Variants in ZNF467 observed in about 807,000 individuals in gnomAD.
ZNF467 encodes zinc finger protein 467.
A neutral mutation model predicts 47.8 loss-of-function variants in ZNF467; 51 were observed. That is an observed-to-expected ratio of 1.07 (90% CI 0.85 to 1.35). ZNF467 has a LOEUF of 1.35. ZNF467 is among the 40% of genes most tolerant of loss of function. The probability of loss-of-function intolerance (pLI) is 0.00; values close to 1 mark genes in which losing one functional copy is unlikely to be tolerated. For synonymous variants in ZNF467, 416 were observed against 372.9 expected (o/e 1.12, Z -1.33); for missense variants, 992 against 858.1 (o/e 1.16, Z -1.95).
Position 149,766,138 on chromosome 7 carries a change from A to G in ZNF467, c.364T>C (p.Phe122Leu). 1.2e-6 allele frequency: 2 copies of G among 1,601,062 alleles called. No individual in the cohort carries two copies. The highest frequency in any genetic ancestry group is 1.7e-6 in the Non-Finnish European group (2 of 1,171,660). ...PQHLSLLPSP[F>L]PAPDLGHLAA... is the part of the protein sequence containing the mutation. ...AGATGCCCCAGGTCAGGCGCGGGAAAGGGGCTGGGAAGTAACGATAGATGC... is the reference window on the plus strand; with the variant it reads ...AGATGCCCCAGGTCAGGCGCGGGAAGGGGGCTGGGAAGTAACGATAGATGC... Residue 122 changes from phenylalanine to leucine, a missense_variant, in exon 5 of 5, where the codon TTT becomes CTT. Coordinates refer to ENST00000302017, the MANE Select transcript of ZNF467 (RefSeq NM_207336.3).
chr7:149,765,629 C>T lies in ZNF467; in HGVS notation c.873G>A (p.Gln291=), dbSNP rs1212446238. 1 of 1,608,284 alleles carries T rather than the reference C, an allele frequency of 6.2e-7. No individual in the cohort carries two copies. Among genetic ancestry groups the T allele is most frequent in the Admixed American group, 1.7e-5 (1 of 59,154 alleles). The change falls in exon 5 of 5, where the codon CAG becomes CAA. Residue 291 remains glutamine, a synonymous_variant. Transcript: ENST00000302017. Reference sequence around the variant, plus strand: ...AGGGCCTCTCGCCCGTATGGATGCGCTGGTGCCGAATCAAGTGCGTCTTCT... The same window carrying T: ...AGGGCCTCTCGCCCGTATGGATGCGTTGGTGCCGAATCAAGTGCGTCTTCT... ...FRKKTHLIRH[Q]RIHTGERPYQ...
chr7:149,776,184 C>A, upstream of ZNF467: 2 of 1,100,698 alleles, frequency 1.8e-6, no homozygotes, highest in Non-Finnish European at 2.4e-6. Flanking sequence ...TGCCCCCCAC[C>A]CCCGGGATCC....
chr7:149,769,229 T>C lies in ZNF467; in HGVS notation c.152-29A>G, dbSNP rs765225161. The stretch of plus-strand genomic sequence containing the variant: ...GCAGAGAATAGGATACCTCAAGGAC[T>C]CTGGAGACATCACAGATGGCCAAAG... On this transcript the variant is annotated intron_variant, in intron 3 of 4. Transcript: ENST00000302017. The surrounding 1 kb of genome is among the most constrained non-coding windows in gnomAD (Gnocchi z 5.3). The C allele has an allele frequency of 1.3e-6, 2 of 1,527,524 alleles. No individual in the cohort carries two copies. Among genetic ancestry groups the C allele is most frequent in the South Asian group, 1.2e-5 (1 of 80,672 alleles). 94.6% of individuals were successfully genotyped at this position (1,527,524 alleles called of 1,614,324 possible). A position where few individuals can be genotyped will look rare whatever the true frequency, so the allele number is the denominator to read the frequency against.
Position 149,764,799 on chromosome 7 carries a change from G to C in ZNF467, c.1703C>G (p.Ala568Gly). 6.6e-7 allele frequency: 1 copy of C among 1,526,562 alleles called. No individual in the cohort carries two copies. The highest frequency in any genetic ancestry group is 8.8e-7 in the Non-Finnish European group (1 of 1,138,334). 94.6% of individuals were successfully genotyped at this position (1,526,562 alleles called of 1,614,324 possible). A position where few individuals can be genotyped will look rare whatever the true frequency, so the allele number is the denominator to read the frequency against. The change falls in exon 5 of 5, where the codon GCC becomes GGC. Residue 568 changes from alanine to glycine, a missense_variant. By Grantham distance (60) the Ala-to-Gly change is moderately conservative (BLOSUM62 0). Coordinates refer to ENST00000302017, the MANE Select transcript of ZNF467 (RefSeq NM_207336.3). ...GGCGGCGTCCGGGGCCGCGTGGGCG[G>C]CTTCGCCGTGAATGAGCTGGTGCCG... Reference protein sequence around the residue: ...LVRHQLIHGEAAHAAPDAALA... With the variant: ...LVRHQLIHGEGAHAAPDAALA...
Position 149,765,748 on chromosome 7 carries a change from G to T in ZNF467, c.754C>A (p.Arg252Ser). The change falls in exon 5 of 5, where the codon CGC becomes AGC. Residue 252 changes from arginine (R) to serine (S), a missense_variant. By Grantham distance (110) the Arg-to-Ser change is moderately radical (BLOSUM62 -1). Transcript: ENST00000302017. ...RPYPCAECGK[R>S]FSQKIHLGSH... ...CCCAGGTGGATCTTCTGGCTGAAGCGCTTGCCGCACTCCGCGCACGGGTAG... is the reference window on the plus strand; with the variant it reads ...CCCAGGTGGATCTTCTGGCTGAAGCTCTTGCCGCACTCCGCGCACGGGTAG... 6.2e-7 allele frequency: 1 copy of T among 1,612,814 alleles called. No individual in the cohort carries two copies. Among genetic ancestry groups the T allele is most frequent in the Non-Finnish European group, 8.5e-7 (1 of 1,179,580 alleles).
chr7:149,764,903 G>C lies in ZNF467; in HGVS notation c.1599C>G (p.His533Gln). Residue 533 changes from histidine to glutamine, a missense_variant, in exon 5 of 5, where the codon CAC (histidine) becomes CAG (glutamine). Physicochemically the swap from His to Gln is conservative, Grantham distance 24. Coordinates refer to ENST00000302017, the MANE Select transcript of ZNF467 (RefSeq NM_207336.3). ...GGCGGGAGCCTGTGTGGATCGCCTGGTGGCGGACTAGGTTGGTTTTGGAGC... is the reference window on the plus strand; with the variant it reads ...GGCGGGAGCCTGTGTGGATCGCCTGCTGGCGGACTAGGTTGGTTTTGGAGC... Reference protein sequence around the residue: ...SFSSKTNLVRHQAIHTGSRPF... With the variant: ...SFSSKTNLVRQQAIHTGSRPF... The C allele has an allele frequency of 6.4e-7, 1 of 1,568,032 alleles. No individual in the cohort carries two copies. Among genetic ancestry groups the C allele is most frequent in the Non-Finnish European group, 8.6e-7 (1 of 1,160,676 alleles).
upstream of ZNF467, chr7:149,776,313 G>C (rs1439967362): frequency 7.4e-7 from 1 of 1,346,386 alleles, no homozygotes; most frequent in Non-Finnish European, 9.9e-7. Context: ...AGAGGGAATG[G>C]TGGCAGCAGC....
Position 149,769,592 on chromosome 7 carries a change from G to C in ZNF467, c.152-392C>G, listed in dbSNP as rs993680088. On this transcript the variant is annotated intron_variant, in intron 3 of 4. Transcript: ENST00000302017. This position sits in a 1 kb window ranked among gnomAD's most constrained non-coding sequence, Gnocchi z 5.3. Reference sequence around the variant, plus strand: ...GCAAATCACTGGGGAGAATCAGGATGTCAAAAGCCAGGCACATTCCTGCCT... The same window carrying C: ...GCAAATCACTGGGGAGAATCAGGATCTCAAAAGCCAGGCACATTCCTGCCT... Among the ~76,000 whole-genome samples, 6 of 152,248 alleles carry C rather than the reference G, an allele frequency of 3.9e-5. No homozygotes were observed. The highest frequency in any genetic ancestry group is 1.4e-4 in the African/African-American group (6 of 41,464).
At chr7:149,775,895 CA>C (rs147712154), upstream of ZNF467, 20,034 of 530,322 alleles carry the variant, frequency 0.038, 1,185 homozygotes, top group African/African-American at 0.19. Context: ...TAAAGCCCCC[CA>C]CAGCCCCCAG....
Position 149,764,441 on chromosome 7 carries a change from C to G in ZNF467, c.*273G>C. On this transcript the variant is annotated 3_prime_UTR_variant, in exon 5 of 5. Transcript: ENST00000302017. ...TGCCCTGGTTGAGGCCGCGCTGGGT[C>G]CGGGAAATATCTGCTTTCCAACGGG... The G allele has an allele frequency of 1.6e-6, 1 of 639,336 alleles. No individual in the cohort carries two copies. Among genetic ancestry groups the G allele is most frequent in the Admixed American group, 2.5e-5 (1 of 40,766 alleles). 39.6% of individuals were successfully genotyped at this position (639,336 alleles called of 1,614,324 possible).
In ZNF467 at chr7:149,765,193, C is replaced by T; in HGVS notation, c.1309G>A (p.Gly437Arg). The T allele has an allele frequency of 6.6e-7, 1 of 1,506,590 alleles. No homozygotes were observed. Among genetic ancestry groups the T allele is most frequent in the Non-Finnish European group, 8.8e-7 (1 of 1,131,842 alleles). 93.3% of individuals were successfully genotyped at this position (1,506,590 alleles called of 1,614,324 possible). ...TGCTGCCCATGGGAGAAGCCGCGCC[C>T]GCAGTCCGGGCAGAAGAAGGACCGC... is the stretch of plus-strand genomic sequence containing the variant. The part of the protein sequence containing the change: ...GERSFFCPDC[G>R]RGFSHGQHLA... The change falls in exon 5 of 5, where the codon GGG becomes AGG. Residue 437 changes from glycine (G) to arginine (R), a missense_variant. Transcript: ENST00000302017.
intron 3 of ZNF467, among the ~76,000 whole-genome samples, chr7:149,770,075 C>A (rs1009915596): frequency 2.1e-4 from 32 of 151,308 alleles, no homozygotes; most frequent in African/African-American, 7.3e-4. Flanking sequence ...CCCACCCCCA[C>A]CTGCAGCTGT....
chr7:149,764,365 T>C lies in ZNF467; in HGVS notation c.*349A>G, dbSNP rs1799070471. ...AATTCATTTAGCAGCCCCAGAACTT[T>C]CCGATTTTAACTTTAATGAAACTTT... is the stretch of plus-strand genomic sequence containing the variant. On this transcript the variant is annotated 3_prime_UTR_variant, in exon 5 of 5. Coordinates refer to ENST00000302017, the MANE Select transcript of ZNF467 (RefSeq NM_207336.3). 3 of 554,440 alleles carry C rather than the reference T, an allele frequency of 5.4e-6. No homozygotes were observed. Among genetic ancestry groups the C allele is most frequent in the Admixed American group, 3.4e-5 (1 of 29,216 alleles). The allele number at this position is 554,440 out of a possible 1,614,324, so 34.3% of individuals were successfully genotyped here.
chr7:149,765,122 G>A lies in ZNF467; in HGVS notation c.1380C>T (p.Ala460=). 1 of 1,479,906 alleles carries A rather than the reference G, an allele frequency of 6.8e-7. No homozygotes were observed. The highest frequency in any genetic ancestry group is 8.9e-7 in the Non-Finnish European group (1 of 1,119,750). 91.7% of individuals were successfully genotyped at this position (1,479,906 alleles called of 1,614,324 possible). ...CGAAGCGGCGGTCACACTGCGTGCAGGCGAAGGGCCGTTCGCCCGTGTGCA... is the reference window on the plus strand; with the variant it reads ...CGAAGCGGCGGTCACACTGCGTGCAAGCGAAGGGCCGTTCGCCCGTGTGCA... ...PRVHTGERPF[A]CTQCDRRFGS... The change falls in exon 5 of 5, where the codon GCC becomes GCT. Residue 460 remains alanine (A), a synonymous_variant. Coordinates refer to ENST00000302017, the MANE Select transcript of ZNF467 (RefSeq NM_207336.3).
chr7:149,765,660 A>C lies in ZNF467; in HGVS notation c.842T>G (p.Phe281Cys). 1 of 1,612,258 alleles carries C rather than the reference A, an allele frequency of 6.2e-7. No individual in the cohort carries two copies. Among genetic ancestry groups the C allele is most frequent in the Non-Finnish European group, 8.5e-7 (1 of 1,179,412 alleles). ...CCGAATCAAGTGCGTCTTCTTGCGA[A>C]AGCGCTTCTCGCATTCCGTGCAGGG... ...PFPCTECEKR[F>C]RKKTHLIRHQ... Residue 281 changes from phenylalanine to cysteine, a missense_variant, in exon 5 of 5, where the codon TTT becomes TGT. Transcript: ENST00000302017.
Position 149,765,643 on chromosome 7 carries a change from A to C in ZNF467, c.859T>G (p.Leu287Val). 1 of 1,610,250 alleles carries C rather than the reference A, an allele frequency of 6.2e-7. No homozygotes were observed. Among genetic ancestry groups the C allele is most frequent in the South Asian group, 1.1e-5 (1 of 90,532 alleles). ...CEKRFRKKTH[L>V]IRHQRIHTGE... ...GTATGGATGCGCTGGTGCCGAATCA[A>C]GTGCGTCTTCTTGCGAAAGCGCTTC... is the stretch of plus-strand genomic sequence containing the variant. Residue 287 changes from leucine (L) to valine (V), a missense_variant, in exon 5 of 5, where the codon TTG becomes GTG. Coordinates refer to ENST00000302017, the MANE Select transcript of ZNF467 (RefSeq NM_207336.3).
intron 1 of ZNF467, among the ~76,000 whole-genome samples, chr7:149,771,425 C>G (rs1478037511): frequency 6.6e-6 from 1 of 152,140 alleles, no homozygotes; most frequent in Non-Finnish European, 1.5e-5. Flanking sequence ...TGGGGAGAGG[C>G]TTGAGGGTGG....
upstream of ZNF467, chr7:149,775,894 C>A (rs1173149513): frequency 1.9e-6 from 1 of 524,420 alleles, no homozygotes; most frequent in Non-Finnish European, 3.3e-6. Context: ...ATAAAGCCCC[C>A]CACAGCCCCC....
Position 149,764,312 on chromosome 7 carries a change from C to CCG in ZNF467, c.*401_*402insCG. Reference sequence around the variant, plus strand: ...TGTGTGGATGGAGGTGGGACAGTGGCTAAGGAGAGTCAGGTGTTCCCTCCC... The same window carrying CCG: ...TGTGTGGATGGAGGTGGGACAGTGGCCGTAAGGAGAGTCAGGTGTTCCCTCCC... On this transcript the variant is annotated 3_prime_UTR_variant, in exon 5 of 5. Coordinates refer to ENST00000302017, the MANE Select transcript of ZNF467 (RefSeq NM_207336.3). The CCG allele has an allele frequency of 4.7e-5, 21 of 447,098 alleles. No homozygotes were observed. Among genetic ancestry groups the CCG allele is most frequent in the Admixed American group, 1.3e-4 (3 of 23,910 alleles). 27.7% of individuals were successfully genotyped at this position (447,098 alleles called of 1,614,324 possible).
Sources: gnomAD v4.1 joint callset for allele counts (sites outside exome capture counted in the v4.1 genomes callset) on GRCh38, gnomAD v4.1.1 for gene constraint, Gnocchi (gnomAD v3.1) non-coding constraint, MANE v1.5 for transcripts, NCBI Gene and HGNC (gene_info 2026-07-23, HGNC 2026-07-21) for gene names.